PES1: variants seen among roughly 807,000 people sequenced by gnomAD.
PES1 encodes pescadillo ribosomal biogenesis factor 1.
In PES1, 31 loss-of-function variants were observed where a neutral mutation model predicts 77.1. The observed-to-expected ratio is 0.40, with a 90% confidence interval of 0.30 to 0.54. The LOEUF is 0.54. Among genes scored for constraint, PES1 ranks in the 20% least tolerant of loss-of-function variants. The pLI, the probability that PES1 is intolerant of heterozygous loss-of-function variation, is 0.45. For missense variants in PES1, 658 were observed against 771.7 expected (o/e 0.85, Z 1.75); for synonymous variants, 282 against 303.0 (o/e 0.93, Z 0.72).
At chr22:30,601,660 T>C (rs1219421236) in intron 2 of PES1, among the ~76,000 whole-genome samples, 1 of 152,186 alleles carries the variant, frequency 6.6e-6, no homozygotes, top group Non-Finnish European at 1.5e-5. Flanking sequence ...GTTTTATCAC[T>C]GTTTTTATAT....
At position 30,577,016 on chromosome 22, in the gene PES1, G is replaced by C; in HGVS notation, c.*30C>G. 1 of 1,584,254 alleles carries C rather than the reference G, an allele frequency of 6.3e-7. No homozygotes were observed. The highest frequency in any genetic ancestry group is 1.3e-5 in the African/African-American group (1 of 74,502). On this transcript the variant is annotated 3_prime_UTR_variant, in exon 15 of 15. Coordinates refer to ENST00000354694, the MANE Select transcript of PES1 (RefSeq NM_014303.4). Reference sequence around the variant, plus strand: ...CTGCCACATCCAGCTGCTAGGGGCTGGCCTCAGCCCTGTGAGGGGCCGCAG... The same window carrying C: ...CTGCCACATCCAGCTGCTAGGGGCTCGCCTCAGCCCTGTGAGGGGCCGCAG...
intron 2 of PES1, 26 bp from the exon 3 acceptor site, chr22:30,588,200 G>T (rs1429986333): frequency 1.5e-5 from 24 of 1,613,904 alleles, no homozygotes; most frequent in Non-Finnish European, 2.0e-5. Flanking sequence ...CATCTGTTAT[G>T]TCAGTTATGT....
chr22:30,583,767 A>G (rs2087021700), intron 6 of PES1, among the ~76,000 whole-genome samples: 1 of 152,260 alleles, frequency 6.6e-6, no homozygotes, highest in South Asian at 2.1e-4. Flanking sequence ...CTATTTTAAA[A>G]GAAAAAGAAA....
At chr22:30,604,635 AAT>A (rs1491562532) in intron 2 of PES1, among the ~76,000 whole-genome samples, 55 of 31,368 alleles carry the variant, frequency 1.8e-3, no homozygotes, top group Admixed American at 5.2e-3. Flanking sequence ...TCTCAAAAAA[AAT>A]AAATAAATAA....
rs779035902 is a variant in PES1 at position 30,580,607 on chromosome 22, C to A, written c.1007G>T (p.Arg336Leu). The A allele has an allele frequency of 2.5e-6, 4 of 1,613,708 alleles. No individual in the cohort carries two copies. Among genetic ancestry groups the A allele is most frequent in the African/African-American group, 1.3e-5 (1 of 74,926 alleles). Reference protein sequence around the residue: ...LFEGLKFFLNREVPREALAFI... With the variant: ...LFEGLKFFLNLEVPREALAFI... ...GGCCAGGGCCTCACGGGGCACCTCT[C>A]GGTTCAGGAAGAACTTCAGGCCCTC... is the stretch of plus-strand genomic sequence containing the variant. The change falls in exon 10 of 15, where the codon CGA becomes CTA. Residue 336 changes from arginine (R) to leucine (L), a missense_variant. Coordinates refer to ENST00000354694, the MANE Select transcript of PES1 (RefSeq NM_014303.4).
At chr22:30,580,755 A>G in intron 9 of PES1, 54 bp from the exon 10 acceptor site, 1 of 1,607,042 alleles carries the variant, frequency 6.2e-7, no homozygotes, top group East Asian at 2.2e-5. Flanking sequence ...CCCCCACTGG[A>G]GGGCCAGGGC....
chr22:30,599,436 A>G (rs370803130), intron 2 of PES1, among the ~76,000 whole-genome samples: 2 of 151,848 alleles, frequency 1.3e-5, no homozygotes, highest in African/African-American at 4.9e-5. Flanking sequence ...TGACTAATTT[A>G]ATATAACTAG....
chr22:30,585,515 A>G (rs1237737984), intron 4 of PES1: 2 of 246,930 alleles, frequency 8.1e-6, no homozygotes, highest in Non-Finnish European at 1.7e-5. Context: ...CCTTGAGCCC[A>G]AGCGGACAGA....
intron 2 of PES1, among the ~76,000 whole-genome samples, chr22:30,603,627 C>A (rs2087392627): frequency 1.3e-5 from 2 of 152,138 alleles, no homozygotes; most frequent in Admixed American, 6.5e-5. Flanking sequence ...GGTGATCCAC[C>A]CGCCTCGGCC....
upstream of PES1, chr22:30,592,023 C>T (rs1393353597): frequency 1.5e-6 from 2 of 1,368,468 alleles, no homozygotes; most frequent in East Asian, 2.9e-5. Flanking sequence ...AAACTATAGT[C>T]TGAAAAAAAT....
intron 2 of PES1, chr22:30,598,412 G>A (rs2087299316): frequency 6.5e-6 from 1 of 153,488 alleles, no homozygotes; most frequent in Non-Finnish European, 1.4e-5. Context: ...ACTATGCCAG[G>A]ATTAGAGCTC....
chr22:30,589,161 C>T (rs2087138241), intron 2 of PES1, 30 bp downstream of exon 2: 1 of 1,571,930 alleles, frequency 6.4e-7, no homozygotes, highest in Non-Finnish European at 8.7e-7. Flanking sequence ...AATTCACTGC[C>T]CGGGCTTCCC....
At chr22:30,581,170 G>T in intron 8 of PES1, 69 bp from the exon 9 acceptor site, 3 of 1,420,898 alleles carry the variant, frequency 2.1e-6, no homozygotes, top group Non-Finnish European at 2.0e-6. Flanking sequence ...GTGGGGAGGG[G>T]CAGCAGTGAC....
chr22:30,581,258 A>C (rs2086982645), intron 8 of PES1, 76 bp downstream of exon 8: 1 of 1,515,780 alleles, frequency 6.6e-7, no homozygotes, highest in South Asian at 1.1e-5. Context: ...CCCACTCTGA[A>C]CCAGACCCCC....
In PES1 at chr22:30,584,634, C is replaced by T; in HGVS notation, c.452G>A (p.Gly151Asp). 6.2e-7 allele frequency: 1 copy of T among 1,613,820 alleles called. No homozygotes were observed. The highest frequency in any genetic ancestry group is 8.5e-7 in the Non-Finnish European group (1 of 1,179,910). ...CTGAATGGTCTGCACGTGGCACTTGCCAGTCCGCGGGAAGGTGGAAAACAG... is the reference window on the plus strand; with the variant it reads ...CTGAATGGTCTGCACGTGGCACTTGTCAGTCCGCGGGAAGGTGGAAAACAG... ...CFLFSTFPRT[G>D]KCHVQTIQLC... Residue 151 changes from glycine (G) to aspartate (D), a missense_variant, in exon 5 of 15, where the codon GGC becomes GAC. Transcript: ENST00000354694.
upstream of PES1, chr22:30,592,235 G>T (rs1283765441): frequency 9.8e-7 from 1 of 1,017,764 alleles, no homozygotes; most frequent in Non-Finnish European, 1.2e-6. Context: ...GAGGGGCGCC[G>T]CACTCCATGG....
Position 30,580,605 on chromosome 22 carries a change from C to T in PES1, c.1009G>A (p.Glu337Lys). 1 of 1,613,850 alleles carries T rather than the reference C, an allele frequency of 6.2e-7. No homozygotes were observed. The highest frequency in any genetic ancestry group is 8.5e-7 in the Non-Finnish European group (1 of 1,180,020). ...AAGGCCAGGGCCTCACGGGGCACCT[C>T]TCGGTTCAGGAAGAACTTCAGGCCC... ...FEGLKFFLNR[E>K]VPREALAFII... is the part of the protein sequence containing the mutation. The change falls in exon 10 of 15, where the codon GAG becomes AAG. Residue 337 changes from glutamate (E) to lysine (K), a missense_variant. Physicochemically the swap from Glu to Lys is moderately conservative, Grantham distance 56. Transcript: ENST00000354694.
chr22:30,604,655 TAAG>T lies in PES1; in HGVS notation c.-661+803_-661+805del, dbSNP rs1475498478. ...AAAAAAATAAATAAATAAGAAAAAA[TAAG>T]AAATGTTTCCTGTTGATGTTGCAGC... is the stretch of plus-strand genomic sequence containing the variant. On this transcript the variant is annotated intron_variant, in intron 2 of 16. Transcript: ENST00000402281. Among the ~76,000 whole-genome samples the T allele has an allele frequency of 6.6e-5, 10 of 151,448 alleles. No homozygotes were observed. The East Asian group carries it at 9.7e-4, about 15-fold the overall frequency.
upstream of PES1, among the ~76,000 whole-genome samples, chr22:30,595,532 G>C (rs4820871): frequency 0.61 from 82,175 of 135,400 alleles, 25,206 homozygotes; most frequent in Middle Eastern, 0.7. Flanking sequence ...GAGTGAGACA[G>C]TGTCTCAAAA....
Sources: allele counts gnomAD v4.1 joint callset (sites outside exome capture counted in the v4.1 genomes callset), GRCh38; gene constraint gnomAD v4.1.1; transcripts MANE v1.5; gene names NCBI Gene and HGNC (gene_info 2026-07-23, HGNC 2026-07-21).